STPG2: variants seen among roughly 807,000 people sequenced by gnomAD.
The protein encoded by STPG2 is sperm-tail PG-rich repeat-containing protein 2.
STPG2 carries 56 observed loss-of-function variants against 54.2 expected under a neutral mutation model. The ratio of observed to expected loss-of-function variants is 1.03; its 90% CI spans 0.83 to 1.29. The LOEUF is 1.29. Among genes scored for constraint, STPG2 ranks in the 50% most tolerant of loss-of-function variants. The pLI, the probability that STPG2 is intolerant of heterozygous loss-of-function variation, is 0.00. For synonymous variants in STPG2, 200 were observed against 181.8 expected (o/e 1.10, Z -0.81); for missense variants, 596 against 544.9 (o/e 1.09, Z -0.93).
Position 98,031,486 on chromosome 4 carries a change from G to T in STPG2, c.613-50168C>A, listed in dbSNP as rs576882447. Among the ~76,000 whole-genome samples the T allele has an allele frequency of 1.7e-4, 26 of 152,130 alleles. No individual in the cohort carries two copies. In the East Asian group the frequency reaches 3.5e-3, roughly 20 times the overall value. ...AAGGTCAAGAGATGGAGACTATCCT[G>T]GCCAACATGGTGAAACCCCATCTCT... On this transcript the variant is annotated intron_variant, in intron 5 of 10. Coordinates refer to ENST00000295268, the MANE Select transcript of STPG2 (RefSeq NM_174952.3).
At chr4:97,873,821 A>G (rs1730078682) in intron 8 of STPG2, among the ~76,000 whole-genome samples, 1 of 151,630 alleles carries the variant, frequency 6.6e-6, no homozygotes, top group African/African-American at 2.4e-5. Context: ...TAACACATTA[A>G]TTATATTAAA....
At chr4:97,542,812 C>A (rs1309720586) in intron 4 of STPG2, among the ~76,000 whole-genome samples, 5 of 151,962 alleles carry the variant, frequency 3.3e-5, no homozygotes, top group African/African-American at 1.2e-4. Flanking sequence ...GAGTTCATGT[C>A]CTTTGTAGGG....
chr4:97,778,214 C>A (rs935324957), intron 9 of STPG2, among the ~76,000 whole-genome samples: 3 of 152,146 alleles, frequency 2.0e-5, no homozygotes, highest in African/African-American at 7.2e-5. Flanking sequence ...CAATCCCACC[C>A]TAATACTGTG....
chr4:97,501,814 AAAT>A (rs1282062210), intron 4 of STPG2, among the ~76,000 whole-genome samples: 22 of 152,194 alleles, frequency 1.4e-4, no homozygotes, highest in Admixed American at 1.2e-3. Flanking sequence ...TTGAAATACA[AAAT>A]AATTTGATAA....
chr4:97,733,397 A>G lies in STPG2; in HGVS notation c.1205-20583T>C, dbSNP rs182164126. 5.9e-5 allele frequency among the ~76,000 whole-genome samples: 9 copies of G among 152,286 alleles called. 1 individual carries two copies. The South Asian group carries it at 1.7e-3, about 28-fold the overall frequency. ...AGTAGGAGCTAAGCTACGAGTATGC[A>G]AAGTCATACAGAGTGATATAATGCA... On this transcript the variant is annotated intron_variant, in intron 9 of 10. Transcript: ENST00000295268.
At chr4:97,946,241 A>G (rs1733216603) in intron 7 of STPG2, among the ~76,000 whole-genome samples, 1 of 151,836 alleles carries the variant, frequency 6.6e-6, no homozygotes, top group African/African-American at 2.4e-5. Context: ...TTTTCATGAA[A>G]CTGTTTTATT....
chr4:97,599,833 A>AAAAG (rs1553941568), intron 10 of STPG2, among the ~76,000 whole-genome samples: 15 of 147,236 alleles, frequency 1.0e-4, no homozygotes, highest in African/African-American at 3.0e-4. Context: ...CAAAAAAAAA[A>AAAAG]AAAAGAAAAG....
In STPG2 at chr4:97,734,801, G is replaced by A. The variant is rs777057359; in HGVS notation, c.1205-21987C>T. 3.3e-5 allele frequency among the ~76,000 whole-genome samples: 5 copies of A among 152,116 alleles called. No individual in the cohort carries two copies. The South Asian group carries it at 6.2e-4, about 19-fold the overall frequency. On this transcript the variant is annotated intron_variant, in intron 9 of 10. Coordinates refer to ENST00000295268, the MANE Select transcript of STPG2 (RefSeq NM_174952.3). The stretch of plus-strand genomic sequence containing the variant: ...AAAAAGTTTCTGCACGGCCGGGGGC[G>A]GTGGCTCATGCCTGTAATCCTAGCA...
chr4:97,479,472 T>G (rs1390128794), intron 4 of STPG2, among the ~76,000 whole-genome samples: 1 of 151,948 alleles, frequency 6.6e-6, no homozygotes, highest in Non-Finnish European at 1.5e-5. Flanking sequence ...TAAAATAGTC[T>G]TCAAAGAATA....
At chr4:97,703,728 TATATA>T (rs1404512318) in intron 10 of STPG2, among the ~76,000 whole-genome samples, 15 of 119,510 alleles carry the variant, frequency 1.3e-4, no homozygotes, top group African/African-American at 2.4e-4. Context: ...ATATTTAGTA[TATATA>T]ATATATTATC....
At chr4:97,795,945 G>A (rs1193707386) in intron 9 of STPG2, among the ~76,000 whole-genome samples, 9 of 152,152 alleles carry the variant, frequency 5.9e-5, no homozygotes, top group Non-Finnish European at 1.2e-4. Context: ...TTTCCCTGAT[G>A]GCCAGTGATG....
chr4:97,932,073 G>C (rs1732568979), intron 8 of STPG2, among the ~76,000 whole-genome samples: 1 of 152,042 alleles, frequency 6.6e-6, no homozygotes, highest in South Asian at 2.1e-4. Context: ...TTATTTCTGT[G>C]GGATCTGTAG....
intron 4 of STPG2, among the ~76,000 whole-genome samples, chr4:97,531,787 A>G (rs1354867516): frequency 6.6e-6 from 1 of 152,180 alleles, no homozygotes; most frequent in Admixed American, 6.5e-5. Flanking sequence ...AATATGTGCT[A>G]TTTGATAGCA....
intron 4 of STPG2, among the ~76,000 whole-genome samples, chr4:97,540,123 G>T (rs1049961483): frequency 1.3e-5 from 2 of 152,030 alleles, no homozygotes; most frequent in East Asian, 1.9e-4. Context: ...AAATAACTAA[G>T]ATCAGAGCAG....
At chr4:97,888,218 G>A (rs72686443) in intron 8 of STPG2, among the ~76,000 whole-genome samples, 24,583 of 152,146 alleles carry the variant, frequency 0.16, 2,164 homozygotes, top group East Asian at 0.36. Flanking sequence ...CTGCTTAGGC[G>A]AGCTGTGATA....
chr4:97,462,826 C>CA (rs1324150787), intron 4 of STPG2, among the ~76,000 whole-genome samples: 1 of 151,974 alleles, frequency 6.6e-6, no homozygotes, highest in African/African-American at 2.4e-5. Context: ...CAGATGTTTG[C>CA]AATTTTATTT....
In STPG2 at chr4:97,927,456, A is replaced by G. The variant is rs1159651116; in HGVS notation, c.1044+16441T>C. Among the ~76,000 whole-genome samples, 4 of 152,196 alleles carry G rather than the reference A, an allele frequency of 2.6e-5. No individual in the cohort carries two copies. In the East Asian group the frequency reaches 7.7e-4, roughly 29 times the overall value. On this transcript the variant is annotated intron_variant, in intron 8 of 10. Coordinates refer to ENST00000295268, the MANE Select transcript of STPG2 (RefSeq NM_174952.3). ...CTGATAGTCAACTTTTAGTTTCTCA[A>G]TAACTAAAGGAAAGTTTTAACTTCA...
At chr4:97,849,428 A>C (rs560555262) in intron 8 of STPG2, among the ~76,000 whole-genome samples, 1 of 152,080 alleles carries the variant, frequency 6.6e-6, no homozygotes, top group South Asian at 2.1e-4. Flanking sequence ...ATAGGATCTC[A>C]TTAAACTAAA....
At chr4:97,456,891 C>CAAAAAA (rs57563048) in intron 4 of STPG2, among the ~76,000 whole-genome samples, 2 of 48,892 alleles carry the variant, frequency 4.1e-5, no homozygotes, top group African/African-American at 1.1e-4. Context: ...TGCTCCGTCT[C>CAAAAAA]AAAAAAAAAA....
Sources: gnomAD v4.1 joint callset for allele counts (sites outside exome capture counted in the v4.1 genomes callset) on GRCh38, gnomAD v4.1.1 for gene constraint, MANE v1.5 for transcripts, NCBI Gene and HGNC (gene_info 2026-07-23, HGNC 2026-07-21) for gene names.